TFCP2L1: variants seen among roughly 807,000 people sequenced by gnomAD.
TFCP2L1 encodes the protein transcription factor CP2-like protein 1.
A neutral mutation model predicts 72.2 loss-of-function variants in TFCP2L1; 12 were observed. The observed-to-expected ratio is 0.17, with a 90% CI of 0.11 to 0.27. TFCP2L1 has a LOEUF of 0.27. TFCP2L1 is among the 10% of genes least tolerant of loss of function. TFCP2L1 has a pLI of 1.00. For synonymous variants in TFCP2L1, 260 were observed against 251.0 expected, an observed-to-expected ratio of 1.04 and a Z score of -0.34; for missense variants, 488 against 624.6, an observed-to-expected ratio of 0.78 and a Z score of 2.33.
chr2:121,258,350 G>T (rs1275635244), intron 2 of TFCP2L1, among the ~76,000 whole-genome samples: 1 of 152,166 alleles, frequency 6.6e-6, no homozygotes, highest in East Asian at 1.9e-4. Flanking sequence ...CCAGTCTATA[G>T]AGCTGCCAGC....
At chr2:121,241,616 A>G (rs1460219760) in intron 7 of TFCP2L1, among the ~76,000 whole-genome samples, 1 of 152,186 alleles carries the variant, frequency 6.6e-6, no homozygotes, top group Non-Finnish European at 1.5e-5. Context: ...ATGCAACCAG[A>G]CAGCAAAATA....
intron 14 of TFCP2L1, 28 bp downstream of exon 14, chr2:121,225,534 C>G: frequency 6.2e-7 from 1 of 1,613,192 alleles, no homozygotes; most frequent in Non-Finnish European, 8.5e-7. Flanking sequence ...GCCCCCACAA[C>G]TACCCTAGGG....
intron 1 of TFCP2L1, among the ~76,000 whole-genome samples, chr2:121,282,544 GAAAC>G (rs1436998074): frequency 6.7e-6 from 1 of 149,682 alleles, no homozygotes; most frequent in Non-Finnish European, 1.5e-5. Context: ...GAAAAAGAAA[GAAAC>G]AAAAAACCCA....
chr2:121,284,938 C>G (rs1687336929), intron 1 of TFCP2L1, 110 bp downstream of exon 1: 2 of 963,792 alleles, frequency 2.1e-6, no homozygotes, highest in African/African-American at 1.7e-5. Context: ...GGGCGGACAG[C>G]GGGGAGGCCA....
chr2:121,268,701 C>T (rs1164126909), intron 2 of TFCP2L1, among the ~76,000 whole-genome samples: 3 of 151,638 alleles, frequency 2.0e-5, no homozygotes, highest in African/African-American at 4.9e-5. Flanking sequence ...GTACATCCAA[C>T]TCCAACATTC....
At chr2:121,230,618 A>C (rs1277622580) in intron 13 of TFCP2L1, among the ~76,000 whole-genome samples, 1 of 150,048 alleles carries the variant, frequency 6.7e-6, no homozygotes, top group East Asian at 2.0e-4. Context: ...CTGTCTCTAC[A>C]AAAAATTAGG....
rs1686221478 is a variant in TFCP2L1, at chr2:121,235,241, G to C, written c.1074C>G (p.Leu358=). 1.9e-6 allele frequency: 3 copies of C among 1,614,078 alleles called. No homozygotes were observed. The highest frequency in any genetic ancestry group is 1.7e-5 in the Admixed American group (1 of 60,004). Residue 358 remains leucine, a synonymous_variant, in exon 11 of 15, where the codon CTC becomes CTG. Coordinates refer to ENST00000263707, the MANE Select transcript of TFCP2L1 (RefSeq NM_014553.3). ...QICGPADGIR[L]FNAIKGRNVR... ...CCTACCGGCCTTTGATGGCGTTGAA[G>C]AGCCGGATCCCATCTGCGGGACCAC...
At chr2:121,247,991 T>C (rs1286608640) in intron 5 of TFCP2L1, among the ~76,000 whole-genome samples, 173 bp downstream of exon 5, 1 of 152,206 alleles carries the variant, frequency 6.6e-6, no homozygotes, top group Non-Finnish European at 1.5e-5. Flanking sequence ...TATGGACCAA[T>C]GAGCTCTGTG....
In TFCP2L1 at chr2:121,246,873, T is replaced by C. The variant is rs780089197; in HGVS notation, c.602A>G (p.Asn201Ser). ...GTGCAGGTGCTCCGTGTACTCCCCA[T>C]TCTCGTTCTGCTTAAACGTGTCAAT... ...VQIDTFKQNE[N>S]GEYTEHLHSA... The change falls in exon 6 of 15, where the codon AAT (asparagine) becomes AGT (serine). Residue 201 changes from asparagine (N) to serine (S), a missense_variant. Coordinates refer to ENST00000263707, the MANE Select transcript of TFCP2L1 (RefSeq NM_014553.3). The C allele has an allele frequency of 1.2e-6, 2 of 1,614,144 alleles. No homozygotes were observed. The highest frequency in any genetic ancestry group is 1.7e-6 in the Non-Finnish European group (2 of 1,180,006).
At chr2:121,232,450 CTT>C (rs1558727530) in intron 12 of TFCP2L1, among the ~76,000 whole-genome samples, 2 of 152,066 alleles carry the variant, frequency 1.3e-5, no homozygotes, top group South Asian at 4.1e-4. Context: ...GGCTGCCACT[CTT>C]GATTCCTCTC....
At chr2:121,232,833 TGACACAGAGACG>T (rs892132403) in intron 12 of TFCP2L1, among the ~76,000 whole-genome samples, 4 of 151,858 alleles carry the variant, frequency 2.6e-5, no homozygotes, top group African/African-American at 4.8e-5. Flanking sequence ...ACAGTGACAC[TGACACAGAGACG>T]GCCTGCACCA....
intron 2 of TFCP2L1, among the ~76,000 whole-genome samples, chr2:121,263,558 C>T (rs1686869261): frequency 6.9e-6 from 1 of 144,028 alleles, no homozygotes; most frequent in Non-Finnish European, 1.5e-5. Flanking sequence ...CAGACAAATA[C>T]AAATCAAAAT....
At chr2:121,235,919 C>A (rs905876536) in intron 10 of TFCP2L1, among the ~76,000 whole-genome samples, 3 of 152,086 alleles carry the variant, frequency 2.0e-5, no homozygotes, top group Admixed American at 6.5e-5. Flanking sequence ...CCAGCCACCA[C>A]CCCTACTCCC....
chr2:121,246,046 TC>T (rs1260931091), intron 6 of TFCP2L1, among the ~76,000 whole-genome samples: 4 of 152,152 alleles, frequency 2.6e-5, no homozygotes, highest in African/African-American at 9.7e-5. Flanking sequence ...AGGAGGTGGG[TC>T]CACTCCTTCT....
chr2:121,237,614 G>T lies in TFCP2L1; in HGVS notation c.1003+9C>A. 1 of 1,614,028 alleles carries T rather than the reference G, an allele frequency of 6.2e-7. No homozygotes were observed. The highest frequency in any genetic ancestry group is 8.5e-7 in the Non-Finnish European group (1 of 1,180,008). ...TCATGGGCTTTAAACACAGTTCGGAGATGCTCACCTGAGAAGCTGGCAAAG... is the reference window on the plus strand; with the variant it reads ...TCATGGGCTTTAAACACAGTTCGGATATGCTCACCTGAGAAGCTGGCAAAG... On this transcript the variant is annotated intron_variant, in intron 10 of 14. Transcript: ENST00000263707.
chr2:121,270,526 G>T (rs148163543), intron 2 of TFCP2L1, among the ~76,000 whole-genome samples: 2 of 152,084 alleles, frequency 1.3e-5, no homozygotes, highest in East Asian at 3.8e-4. Flanking sequence ...AGATGTTCAC[G>T]GATTACTAGA....
intron 1 of TFCP2L1, 40 bp from the exon 2 acceptor site, chr2:121,281,311 A>C: frequency 6.4e-7 from 1 of 1,553,362 alleles, no homozygotes. Context: ...GCAGAGCCCC[A>C]GGGGGCTCCT....
At position 121,269,132 on chromosome 2, in the gene TFCP2L1, C is replaced by T. The variant is rs139052448; in HGVS notation, c.214+11988G>A. On this transcript the variant is annotated intron_variant, in intron 2 of 14. Coordinates refer to ENST00000263707, the MANE Select transcript of TFCP2L1 (RefSeq NM_014553.3). The stretch of plus-strand genomic sequence containing the variant: ...ATAATTAAGGTGAAGTCCAATAAAC[C>T]GGATAATAAAAATTTATCTTAAAAA... 1.6e-4 allele frequency among the ~76,000 whole-genome samples: 24 copies of T among 151,910 alleles called. No individual in the cohort carries two copies. In the East Asian group the frequency reaches 4.1e-3, roughly 26 times the overall value.
chr2:121,263,985 T>C (rs987242274), intron 2 of TFCP2L1, among the ~76,000 whole-genome samples: 2 of 152,196 alleles, frequency 1.3e-5, no homozygotes, highest in African/African-American at 4.8e-5. Context: ...CCCTGTAAGT[T>C]AGTAGGATAA....
Sources: allele counts gnomAD v4.1 joint callset (sites outside exome capture counted in the v4.1 genomes callset), GRCh38; gene constraint gnomAD v4.1.1; transcripts MANE v1.5; gene names NCBI Gene and HGNC (gene_info 2026-07-23, HGNC 2026-07-21).